The following PHACTR3 variants were observed in gnomAD, a reference collection of about 807,000 sequenced individuals.
PHACTR3 encodes protein phosphatase 1, regulatory subunit 123.
Under a neutral mutation model 66.8 loss-of-function variants are expected in PHACTR3, and 16 were observed. The ratio of observed to expected loss-of-function variants is 0.24; its 90% confidence interval spans 0.16 to 0.36. The LOEUF (loss-of-function observed/expected upper bound fraction) is 0.36. PHACTR3 is among the 10% of genes least tolerant of loss of function. PHACTR3 has a pLI of 1.00. For synonymous variants in PHACTR3, 323 were observed against 292.1 expected, an observed-to-expected ratio of 1.11 and a Z score of -1.08; for missense variants, 647 against 719.9, an observed-to-expected ratio of 0.90 and a Z score of 1.16.
At chr20:59,801,697 A>G (rs2146984810) in intron 7 of PHACTR3, among the ~76,000 whole-genome samples, 2 of 152,374 alleles carry the variant, frequency 1.3e-5, no homozygotes, top group Middle Eastern at 6.8e-3. Context: ...TGAACAAGGT[A>G]TAATCCTCGC....
chr20:59,663,351 A>G (rs1016959697), intron 1 of PHACTR3, among the ~76,000 whole-genome samples: 8 of 152,222 alleles, frequency 5.3e-5, no homozygotes, highest in Admixed American at 4.6e-4. Context: ...GGCTGGCTGT[A>G]GCAACTGGGT....
chr20:59,742,561 T>C (rs1181052042), intron 1 of PHACTR3, among the ~76,000 whole-genome samples: 2 of 152,198 alleles, frequency 1.3e-5, no homozygotes, highest in East Asian at 3.9e-4. Flanking sequence ...GCCTGGGCTC[T>C]ACCCTAGAAG....
intron 1 of PHACTR3, among the ~76,000 whole-genome samples, chr20:59,674,694 T>TTC (rs1266858571): frequency 1.2e-3 from 53 of 43,862 alleles, no homozygotes; most frequent in South Asian, 2.0e-3. Flanking sequence ...CTCCTGTTCC[T>TTC]GCCTTCTCCT....
At chr20:59,767,092 A>T (rs776759521) in intron 4 of PHACTR3, 94 bp from the exon 5 acceptor site, 2 of 1,287,026 alleles carry the variant, frequency 1.6e-6, no homozygotes, top group Non-Finnish European at 2.2e-6. Flanking sequence ...GCTCTTCACG[A>T]TCCCATCCCA....
chr20:59,661,401 C>A (rs1343362535), intron 1 of PHACTR3, among the ~76,000 whole-genome samples: 1 of 152,074 alleles, frequency 6.6e-6, no homozygotes. Context: ...GAGAGCACGT[C>A]TCAGAGGCTG....
intron 11 of PHACTR3, chr20:59,843,322 A>C (rs889044431): frequency 3.3e-5 from 5 of 152,088 alleles, no homozygotes; most frequent in African/African-American, 1.2e-4. Flanking sequence ...TACCAATGTC[A>C]TTTTTCACAA....
At chr20:59,685,658 G>C (rs1037915789) in intron 1 of PHACTR3, among the ~76,000 whole-genome samples, 1 of 152,170 alleles carries the variant, frequency 6.6e-6, no homozygotes, top group Admixed American at 6.5e-5. Flanking sequence ...CCCACCTCAA[G>C]GTCTTTGCCT....
At chr20:59,698,768 C>T (rs2037389024) in intron 1 of PHACTR3, among the ~76,000 whole-genome samples, 1 of 152,106 alleles carries the variant, frequency 6.6e-6, no homozygotes, top group South Asian at 2.1e-4. Context: ...AATTAGCTAC[C>T]ATGTTCATGG....
At chr20:59,753,881 C>T (rs1252197647) in intron 3 of PHACTR3, among the ~76,000 whole-genome samples, 2 of 152,110 alleles carry the variant, frequency 1.3e-5, no homozygotes, top group Admixed American at 1.3e-4. Context: ...CGGGACTGAC[C>T]AGGTCCTATG....
chr20:59,776,449 C>T (rs1601330236), intron 7 of PHACTR3, among the ~76,000 whole-genome samples: 1 of 152,290 alleles, frequency 6.6e-6, no homozygotes, highest in East Asian at 1.9e-4. Context: ...GCCCTTGGCA[C>T]AGGGCCTGGC....
At chr20:59,639,976 G>A (rs566925405) in intron 1 of PHACTR3, among the ~76,000 whole-genome samples, 1 of 152,296 alleles carries the variant, frequency 6.6e-6, no homozygotes, top group South Asian at 2.1e-4. Flanking sequence ...TCCAATTCTG[G>A]CATTGTAAGA....
chr20:59,773,322 C>G lies in PHACTR3; in HGVS notation c.795C>G (p.Asp265Glu). 1.2e-6 allele frequency: 2 copies of G among 1,614,184 alleles called. No homozygotes were observed. Among genetic ancestry groups the G allele is most frequent in the Non-Finnish European group, 1.7e-6 (2 of 1,180,016 alleles). Residue 265 changes from aspartate to glutamate, a missense_variant, in exon 6 of 13, where the codon GAC becomes GAG. Around this residue, in one of 2 missense-constraint regions of PHACTR3, gnomAD observed 577 missense variants for 571.1 expected, o/e 1.01. Coordinates refer to ENST00000371015, the MANE Select transcript of PHACTR3 (RefSeq NM_080672.5). ...LFQASSMKSA[D>E]PSLRGQLSTP... ...AAGCCTCCAGCATGAAGAGTGCCGACCCTTCCCTCCGGGGCCAGCTCTCCA... is the reference window on the plus strand; with the variant it reads ...AAGCCTCCAGCATGAAGAGTGCCGAGCCTTCCCTCCGGGGCCAGCTCTCCA...
intron 1 of PHACTR3, among the ~76,000 whole-genome samples, chr20:59,605,544 C>G (rs1011476246): frequency 6.6e-6 from 1 of 152,222 alleles, no homozygotes; most frequent in South Asian, 2.1e-4. Context: ...GGCATCTGCT[C>G]CTGGAAGGCA....
At chr20:59,673,131 T>C (rs1252589818) in intron 1 of PHACTR3, among the ~76,000 whole-genome samples, 1 of 152,154 alleles carries the variant, frequency 6.6e-6, no homozygotes, top group Non-Finnish European at 1.5e-5. Context: ...CTTGGAGCTT[T>C]TGGGGCATCT....
chr20:59,755,831 C>A (rs1161455065), intron 4 of PHACTR3, among the ~76,000 whole-genome samples: 1 of 152,150 alleles, frequency 6.6e-6, no homozygotes, highest in Non-Finnish European at 1.5e-5. Flanking sequence ...TGTGTGCATG[C>A]CTGGGAGCTG....
chr20:59,607,206 A>G (rs953872506), intron 1 of PHACTR3, among the ~76,000 whole-genome samples: 6 of 152,052 alleles, frequency 3.9e-5, no homozygotes, highest in Non-Finnish European at 5.9e-5. Flanking sequence ...TCTTTTTCCA[A>G]TGGTTCCAAA....
intron 1 of PHACTR3, among the ~76,000 whole-genome samples, chr20:59,611,716 C>T (rs1290480365): frequency 6.6e-6 from 1 of 152,202 alleles, no homozygotes; most frequent in African/African-American, 2.4e-5. Flanking sequence ...CCTCTCCGGC[C>T]CCAGGTCCAC....
chr20:59,640,434 A>G (rs1383705512), intron 1 of PHACTR3, among the ~76,000 whole-genome samples: 1 of 152,198 alleles, frequency 6.6e-6, no homozygotes, highest in Non-Finnish European at 1.5e-5. Flanking sequence ...CCCTGGGGCC[A>G]GGCGGTCTTC....
intron 1 of PHACTR3, among the ~76,000 whole-genome samples, chr20:59,638,329 C>G (rs1457066685): frequency 6.6e-6 from 1 of 152,096 alleles, no homozygotes; most frequent in Admixed American, 6.6e-5. Context: ...GCCTTATACA[C>G]AGTAGAGTCT....
Sources: allele counts gnomAD v4.1 joint callset (sites outside exome capture counted in the v4.1 genomes callset), GRCh38; gene constraint gnomAD v4.1.1; regional missense constraint gnomAD v4.1.1; transcripts MANE v1.5; gene names NCBI Gene and HGNC (gene_info 2026-07-23, HGNC 2026-07-21).